Variants in CHST9 observed in about 807,000 individuals in gnomAD.
CHST9 encodes GalNAc-4-sulfotransferase 2.
CHST9 carries 41 observed loss-of-function variants against 44.4 expected under a neutral mutation model. The ratio of observed to expected loss-of-function variants is 0.92; its 90% CI spans 0.72 to 1.20. The LOEUF (loss-of-function observed/expected upper bound fraction) is 1.20. Among genes scored for constraint, CHST9 ranks in the 50% most tolerant of loss-of-function variants. The pLI is 0.00. For synonymous variants in CHST9, 171 were observed against 178.4 expected, an observed-to-expected ratio of 0.96 and a Z score of 0.33; for missense variants, 504 against 516.5, an observed-to-expected ratio of 0.98 and a Z score of 0.23.
At chr18:27,088,456 G>A (rs941928950) in intron 2 of CHST9, among the ~76,000 whole-genome samples, 35 of 150,804 alleles carry the variant, frequency 2.3e-4, no homozygotes, top group Middle Eastern at 3.4e-3. Flanking sequence ...GTGCAGTGGC[G>A]CGATCTCGGC....
chr18:27,068,646 T>C (rs769700269), intron 2 of CHST9, among the ~76,000 whole-genome samples: 1 of 152,144 alleles, frequency 6.6e-6, no homozygotes, highest in Non-Finnish European at 1.5e-5. Context: ...ACTACTAGGG[T>C]AGTTGAATTT....
chr18:27,018,502 C>T (rs2057181408), intron 4 of CHST9, among the ~76,000 whole-genome samples: 2 of 152,052 alleles, frequency 1.3e-5, no homozygotes, highest in African/African-American at 4.8e-5. Flanking sequence ...GAAGGACAGC[C>T]CCAGTGTGTG....
chr18:26,918,034 G>A (rs928815282), intron 5 of CHST9, among the ~76,000 whole-genome samples: 11 of 152,074 alleles, frequency 7.2e-5, no homozygotes, highest in South Asian at 2.1e-4. Flanking sequence ...TCTACTTGAC[G>A]TCCTGCTCTA....
chr18:27,138,488 G>A (rs1489401988), intron 2 of CHST9, among the ~76,000 whole-genome samples: 2 of 152,160 alleles, frequency 1.3e-5, no homozygotes, highest in African/African-American at 4.8e-5. Context: ...ACCAAAGTTG[G>A]ATCTAAGCCT....
rs1466341336 is a variant in CHST9, at chr18:26,912,449, C to A, written c.*3810G>T. The A allele has an allele frequency of 1.3e-5, 2 of 150,838 alleles. No homozygotes were observed. Among genetic ancestry groups the A allele is most frequent in the African/African-American group, 4.9e-5 (2 of 40,898 alleles). 9.3% of individuals were successfully genotyped at this position (150,838 alleles called of 1,614,324 possible). A position where few individuals can be genotyped will look rare whatever the true frequency, so the allele number is the denominator to read the frequency against. On this transcript the variant is annotated 3_prime_UTR_variant, in exon 6 of 6. Transcript: ENST00000618847. ...TTTGTATGGAAAAAATTTCAGGATT[C>A]CAATATATTGTTTTTGCCTCTACCT...
intron 5 of CHST9, chr18:26,936,362 A>T (rs2055992055): frequency 6.6e-6 from 1 of 151,902 alleles, no homozygotes; most frequent in South Asian, 2.1e-4. Context: ...AATGGTTTAA[A>T]GGTAGCCAAA....
chr18:26,914,789 C>T lies in CHST9; in HGVS notation c.*1470G>A, dbSNP rs919033387. The stretch of plus-strand genomic sequence containing the variant: ...ATTAACATTCAACTATTAATACCTA[C>T]TGTTCTTTGAAAGCCATTACTGAAT... On this transcript the variant is annotated 3_prime_UTR_variant, in exon 6 of 6. Coordinates refer to ENST00000618847, the MANE Select transcript of CHST9 (RefSeq NM_031422.6). The T allele has an allele frequency of 5.3e-5, 21 of 395,088 alleles. No individual in the cohort carries two copies. The highest frequency in any genetic ancestry group is 8.9e-5 in the Non-Finnish European group (20 of 224,044). The allele number at this position is 395,088 out of a possible 1,614,324, so 24.5% of individuals were successfully genotyped here. A position where few individuals can be genotyped will look rare whatever the true frequency, so the allele number is the denominator to read the frequency against.
chr18:27,026,309 T>C (rs1045147100), intron 3 of CHST9, among the ~76,000 whole-genome samples: 2 of 152,184 alleles, frequency 1.3e-5, no homozygotes, highest in Admixed American at 6.5e-5. Context: ...TCCCCCACTA[T>C]AGTAAACTTA....
intron 2 of CHST9, among the ~76,000 whole-genome samples, chr18:27,127,967 G>A (rs1002257798): frequency 5.3e-5 from 8 of 152,148 alleles, no homozygotes; most frequent in African/African-American, 1.9e-4. Flanking sequence ...GGGAGGAGAC[G>A]TGTTTGGAGT....
intron 2 of CHST9, among the ~76,000 whole-genome samples, chr18:27,101,589 G>GA (rs2058173136): frequency 6.6e-6 from 1 of 151,328 alleles, no homozygotes; most frequent in African/African-American, 2.4e-5. Flanking sequence ...CGGCCTGGGT[G>GA]AAAGAGCGAG....
Position 26,909,910 on chromosome 18 carries a change from ATG to A in CHST9, c.*6347_*6348del, listed in dbSNP as rs1453034498. On this transcript the variant is annotated 3_prime_UTR_variant, in exon 6 of 6. Coordinates refer to ENST00000618847, the MANE Select transcript of CHST9 (RefSeq NM_031422.6). Reference sequence around the variant, plus strand: ...ATAGCAGGAAGTAGGGTGGAGAGGCATGTTATAAATCAGAAAGAAGAATCTTC... The same window carrying A: ...ATAGCAGGAAGTAGGGTGGAGAGGCATTATAAATCAGAAAGAAGAATCTTC... The A allele has an allele frequency of 6.6e-6, 1 of 152,246 alleles. No individual in the cohort carries two copies. The highest frequency in any genetic ancestry group is 2.4e-5 in the African/African-American group (1 of 41,444). The allele number at this position is 152,246 out of a possible 1,614,324, so 9.4% of individuals were successfully genotyped here.
intron 5 of CHST9, chr18:26,930,604 T>A (rs1049309675): frequency 1.3e-5 from 2 of 153,722 alleles, no homozygotes; most frequent in East Asian, 1.9e-4. Flanking sequence ...ATTCAAGATA[T>A]CAATTAAATG....
intron 3 of CHST9, among the ~76,000 whole-genome samples, chr18:27,036,300 A>C (rs765188097): frequency 1.3e-4 from 20 of 152,324 alleles, no homozygotes; most frequent in Non-Finnish European, 2.4e-4. Flanking sequence ...TCTCCAGTTC[A>C]GGAAAGAAAG....
At chr18:27,105,059 C>T (rs926300645) in intron 2 of CHST9, among the ~76,000 whole-genome samples, 3 of 151,960 alleles carry the variant, frequency 2.0e-5, no homozygotes, top group African/African-American at 7.2e-5. Context: ...TTCTCTTTTC[C>T]CCTTCCTTTG....
intron 4 of CHST9, among the ~76,000 whole-genome samples, chr18:26,998,592 G>C (rs943351398): frequency 4.6e-5 from 7 of 151,858 alleles, no homozygotes; most frequent in African/African-American, 1.7e-4. Flanking sequence ...TGGGTGTGGT[G>C]GTGTGTGCTT....
At chr18:27,076,715 T>C (rs2143665174) in intron 2 of CHST9, among the ~76,000 whole-genome samples, 1 of 152,334 alleles carries the variant, frequency 6.6e-6, no homozygotes, top group East Asian at 1.9e-4. Context: ...AAATTCAGCA[T>C]ATGAATCCTC....
At chr18:27,164,344 A>C (rs1598772164) in intron 1 of CHST9, among the ~76,000 whole-genome samples, 1 of 151,530 alleles carries the variant, frequency 6.6e-6, no homozygotes, top group East Asian at 1.9e-4. Context: ...ACGCTTTTGC[A>C]AATGAAAAAT....
intron 4 of CHST9, among the ~76,000 whole-genome samples, chr18:26,974,080 C>A (rs1218012492): frequency 3.3e-5 from 5 of 152,168 alleles, no homozygotes; most frequent in Admixed American, 3.3e-4. Flanking sequence ...TTATTGTGTT[C>A]CATCAATTCA....
At chr18:27,021,718 C>CAGTG (rs2057228656) in intron 4 of CHST9, among the ~76,000 whole-genome samples, 1 of 152,208 alleles carries the variant, frequency 6.6e-6, no homozygotes. Context: ...GACAGTAACC[C>CAGTG]AGTGGTTCCT....
Sources: allele counts gnomAD v4.1 joint callset (sites outside exome capture counted in the v4.1 genomes callset), GRCh38; gene constraint gnomAD v4.1.1; transcripts MANE v1.5; gene names NCBI Gene and HGNC (gene_info 2026-07-23, HGNC 2026-07-21).